The following DOCK7 variants were observed in gnomAD, a reference collection of about 807,000 sequenced individuals.
The protein encoded by DOCK7 is dedicator of cytokinesis 7, also known as dedicator of cytokinesis protein 7.
DOCK7 carries 138 observed loss-of-function variants against 271.0 expected under a neutral mutation model. The ratio of observed to expected loss-of-function variants is 0.51; its 90% CI spans 0.44 to 0.59. The LOEUF (loss-of-function observed/expected upper bound fraction) is 0.59, where lower values mean the gene tolerates loss of function less well. Ranked by LOEUF, DOCK7 falls within the 20% of genes least tolerant of loss-of-function variation. The pLI is 0.00. For missense variants in DOCK7, 2,066 were observed against 2,592.4 expected, an observed-to-expected ratio of 0.80 and a Z score of 4.41; for synonymous variants, 823 against 876.1, an observed-to-expected ratio of 0.94 and a Z score of 1.07.
chr1:62,598,750 G>T (rs750973811), intron 14 of DOCK7: 1 of 1,611,400 alleles, frequency 6.2e-7, no homozygotes, highest in South Asian at 1.1e-5. Flanking sequence ...GACCGTGGAA[G>T]ACCAATATAA....
At chr1:62,534,616 T>C (rs1461805496) in intron 29 of DOCK7, among the ~76,000 whole-genome samples, 1 of 151,914 alleles carries the variant, frequency 6.6e-6, no homozygotes, top group Non-Finnish European at 1.5e-5. Flanking sequence ...GTGAGACCTA[T>C]TCTCAAAAAA....
intron 12 of DOCK7, 25 bp downstream of exon 12, chr1:62,625,234 A>C (rs562420725): frequency 6.2e-7 from 1 of 1,608,830 alleles, no homozygotes; most frequent in South Asian, 1.1e-5. Context: ...CATCTCCCCA[A>C]AATTCCTACA....
chr1:62,553,261 T>C (rs1311295425), intron 21 of DOCK7, among the ~76,000 whole-genome samples: 2 of 144,296 alleles, frequency 1.4e-5, no homozygotes, highest in Non-Finnish European at 3.0e-5. Context: ...TCTCAATCTC[T>C]TGACCTTGCG....
At chr1:62,551,260 A>G (rs1441542049) in intron 22 of DOCK7, among the ~76,000 whole-genome samples, 1 of 152,120 alleles carries the variant, frequency 6.6e-6, no homozygotes, top group East Asian at 1.9e-4. Context: ...AGGGGTGTCC[A>G]ATCTTTTGGC....
chr1:62,686,942 C>A (rs1661842505), intron 1 of DOCK7, among the ~76,000 whole-genome samples: 2 of 151,882 alleles, frequency 1.3e-5, no homozygotes, highest in South Asian at 4.1e-4. Flanking sequence ...CCACACCTGG[C>A]TAATTTTTTT....
At chr1:62,504,434 C>T (rs1207389956) in intron 37 of DOCK7, among the ~76,000 whole-genome samples, 196 bp downstream of exon 37, 4 of 152,056 alleles carry the variant, frequency 2.6e-5, no homozygotes, top group Non-Finnish European at 2.9e-5. Flanking sequence ...TACATACATA[C>T]GTACACATGA....
At chr1:62,515,890 A>G (rs1571363529) in intron 31 of DOCK7, among the ~76,000 whole-genome samples, 1 of 152,214 alleles carries the variant, frequency 6.6e-6, no homozygotes, top group East Asian at 1.9e-4. Context: ...TGGCAGTCAA[A>G]TGAAACAGAA....
chr1:62,564,378 G>A (rs1646439002), intron 18 of DOCK7, among the ~76,000 whole-genome samples: 1 of 152,068 alleles, frequency 6.6e-6, no homozygotes, highest in East Asian at 1.9e-4. Context: ...AGACCACAGT[G>A]CAATCAAATT....
chr1:62,553,312 T>TATATATATA (rs1553168301), intron 21 of DOCK7, among the ~76,000 whole-genome samples: 4 of 20,584 alleles, frequency 1.9e-4, no homozygotes, highest in African/African-American at 8.0e-4. Flanking sequence ...AAAAAGTATT[T>TATATATATA]TATATATATA....
In DOCK7 at chr1:62,646,465, G is replaced by A. The variant is rs868036402; in HGVS notation, c.818+1226C>T. Among the ~76,000 whole-genome samples the A allele has an allele frequency of 4.6e-5, 7 of 152,070 alleles. 1 individual carries two copies. Among genetic ancestry groups the A allele is most frequent in the South Asian group, 4.2e-4 (2 of 4,818 alleles). ...TGTAATTGGAAATAAGCCCTTTAGG[G>A]CTTATTAAGGTTAAATGAGGTCCTA... On this transcript the variant is annotated intron_variant, in intron 7 of 49. Coordinates refer to ENST00000635253, the MANE Select transcript of DOCK7 (RefSeq NM_001367561.1).
At chr1:62,501,286 G>A (rs1646776301) in intron 37 of DOCK7, among the ~76,000 whole-genome samples, 1 of 152,074 alleles carries the variant, frequency 6.6e-6, no homozygotes, top group South Asian at 2.1e-4. Flanking sequence ...AAAAACTGGT[G>A]GTAAGCAATA....
Position 62,529,294 on chromosome 1 carries a change from T to C in DOCK7, c.3764A>G (p.Gln1255Arg), listed in dbSNP as rs1645104549. The C allele has an allele frequency of 2.5e-6, 4 of 1,608,206 alleles. No homozygotes were observed. Among genetic ancestry groups the C allele is most frequent in the Non-Finnish European group, 3.4e-6 (4 of 1,178,272 alleles). Residue 1255 changes from glutamine (Q) to arginine (R), a missense_variant, in exon 30 of 50, where the codon CAG (glutamine) becomes CGG (arginine). Around this residue, in one of 2 missense-constraint regions of DOCK7, gnomAD observed 1,414 missense variants for 1,670.4 expected, o/e 0.85. Coordinates refer to ENST00000635253, the MANE Select transcript of DOCK7 (RefSeq NM_001367561.1). ...CTAGGTACCTGTAAAATCATACAGC[T>C]GAGGTACAGTTTCCATGATAATACC... Reference protein sequence around the residue: ...LIGIIMETVPQLYDFTETHNQ... With the variant: ...LIGIIMETVPRLYDFTETHNQ...
intron 42 of DOCK7, chr1:62,487,639 AT>A (rs2149282963): frequency 2.3e-6 from 1 of 433,402 alleles, no homozygotes; most frequent in East Asian, 3.5e-5. Context: ...GAAAGTACAA[AT>A]TTTAGGGAAA....
intron 35 of DOCK7, among the ~76,000 whole-genome samples, chr1:62,506,690 G>A (rs1020280576): frequency 6.6e-6 from 1 of 151,768 alleles, no homozygotes; most frequent in Non-Finnish European, 1.5e-5. Flanking sequence ...GCTCACGCCT[G>A]TAATCCCCAC....
intron 14 of DOCK7, among the ~76,000 whole-genome samples, chr1:62,598,255 T>C (rs1042397868): frequency 6.6e-6 from 1 of 152,018 alleles, no homozygotes; most frequent in Non-Finnish European, 1.5e-5. Context: ...TAATGTTATA[T>C]ATGAAAACAC....
intron 5 of DOCK7, 33 bp from the exon 6 acceptor site, chr1:62,648,351 A>T: frequency 7.0e-7 from 1 of 1,428,662 alleles, no homozygotes. Flanking sequence ...TAAATATATT[A>T]ATTAATAAAT....
chr1:62,570,546 A>G (rs1646737389), intron 18 of DOCK7, among the ~76,000 whole-genome samples: 1 of 152,196 alleles, frequency 6.6e-6, no homozygotes, highest in Non-Finnish European at 1.5e-5. Context: ...GAACTATTTT[A>G]AAAAGCTATT....
At chr1:62,496,604 C>A (rs1173886910) in intron 37 of DOCK7, 107 bp from the exon 38 acceptor site, 64 of 1,054,986 alleles carry the variant, frequency 6.1e-5, no homozygotes, top group Non-Finnish European at 8.2e-5. Flanking sequence ...CCATTCTAAG[C>A]AAAATATTTT....
At chr1:62,588,104 C>G (rs1321337714) in intron 14 of DOCK7, among the ~76,000 whole-genome samples, 1 of 152,130 alleles carries the variant, frequency 6.6e-6, no homozygotes, top group African/African-American at 2.4e-5. Context: ...AAATACAGAA[C>G]TGTTATGACT....
Sources: allele counts gnomAD v4.1 joint callset (sites outside exome capture counted in the v4.1 genomes callset), GRCh38; gene constraint gnomAD v4.1.1; regional missense constraint gnomAD v4.1.1; transcripts MANE v1.5; gene names NCBI Gene and HGNC (gene_info 2026-07-23, HGNC 2026-07-21).